The following LCORL variants were observed in gnomAD, a reference collection of about 807,000 sequenced individuals.
LCORL encodes the protein ligand-dependent nuclear receptor corepressor-like protein.
LCORL carries 41 observed loss-of-function variants against 141.8 expected under a neutral mutation model. The ratio of observed to expected loss-of-function variants is 0.29; its 90% confidence interval spans 0.23 to 0.38. The LOEUF (loss-of-function observed/expected upper bound fraction) is 0.38. Among genes scored for constraint, LCORL ranks in the 10% least tolerant of loss-of-function variants. The pLI is 1.00. For synonymous variants in LCORL, 618 were observed against 694.1 expected (o/e 0.89, Z 1.72); for missense variants, 1,759 against 2,035.0 (o/e 0.86, Z 2.61).
At chr4:17,876,338 TAGAGTA>T (rs1726920394) in exon 7 of LCORL, 2 of 1,230,900 alleles carry the variant, frequency 1.6e-6, no homozygotes, top group African/African-American at 3.1e-5. Context: ...TCATTCTATT[TAGAGTA>T]AGAGTCATAT....
chr4:17,843,540 G>T, exon 8 of LCORL: 1 of 1,197,252 alleles, frequency 8.4e-7, no homozygotes, highest in Non-Finnish European at 1.2e-6. Context: ...AAGATTTTCT[G>T]CTGTGCGCTT....
intron 4 of LCORL, chr4:17,912,948 G>A: frequency 2.2e-6 from 1 of 464,446 alleles, no homozygotes; most frequent in Non-Finnish European, 4.2e-6. Flanking sequence ...TGGTGCCCGA[G>A]ACCAGTGACA....
At chr4:17,861,629 T>C (rs1027072256) in intron 7 of LCORL, among the ~76,000 whole-genome samples, 1 of 152,200 alleles carries the variant, frequency 6.6e-6, no homozygotes, top group African/African-American at 2.4e-5. Flanking sequence ...CTTGAATTTC[T>C]CCTCAGAAAA....
At chr4:17,993,074 T>G (rs1216452523) in intron 1 of LCORL, among the ~76,000 whole-genome samples, 1 of 152,198 alleles carries the variant, frequency 6.6e-6, no homozygotes, top group Admixed American at 6.5e-5. Context: ...GAACAGCATG[T>G]ATAAAGACAC....
chr4:17,928,430 A>G (rs1735501860), intron 4 of LCORL, among the ~76,000 whole-genome samples: 1 of 152,184 alleles, frequency 6.6e-6, no homozygotes, highest in Admixed American at 6.5e-5. Context: ...AAACAAAACA[A>G]TCAATTCATA....
At chr4:17,939,404 G>C (rs73098848) in intron 4 of LCORL, among the ~76,000 whole-genome samples, 36,147 of 151,960 alleles carry the variant, frequency 0.24, 5,486 homozygotes, top group African/African-American at 0.43. Flanking sequence ...ATATAAATAG[G>C]TTTTATGTTT....
chr4:17,881,393 C>A, intron 6 of LCORL: 1 of 971,712 alleles, frequency 1.0e-6, no homozygotes. Context: ...TTTGTATAAT[C>A]AAATGTTAAC....
chr4:17,898,492 A>T (rs1730329931), intron 5 of LCORL, among the ~76,000 whole-genome samples: 1 of 151,996 alleles, frequency 6.6e-6, no homozygotes, highest in Admixed American at 6.6e-5. Flanking sequence ...CATTTACTTC[A>T]TCCCCTTCTT....
exon 8 of LCORL, chr4:17,843,128 T>C (rs1722582469): frequency 1.4e-5 from 8 of 583,330 alleles, no homozygotes; most frequent in Non-Finnish European, 2.3e-5. Context: ...CTTTGCTAGA[T>C]AGCCAAGTCA....
chr4:17,933,648 T>G (rs1021291472), intron 4 of LCORL, among the ~76,000 whole-genome samples: 3 of 152,094 alleles, frequency 2.0e-5, no homozygotes, highest in Non-Finnish European at 2.9e-5. Flanking sequence ...GGTGTTATGA[T>G]GTACTATTCT....
At chr4:17,969,705 G>C (rs1715575588) in intron 2 of LCORL, among the ~76,000 whole-genome samples, 1 of 152,090 alleles carries the variant, frequency 6.6e-6, no homozygotes, top group African/African-American at 2.4e-5. Flanking sequence ...TGATTCTTTA[G>C]ATTTTTCCTT....
At chr4:17,868,765 C>T (rs991298547) in intron 7 of LCORL, among the ~76,000 whole-genome samples, 7 of 152,220 alleles carry the variant, frequency 4.6e-5, no homozygotes, top group African/African-American at 1.7e-4. Context: ...ATTCTTGGCT[C>T]GATCTCTTTG....
At chr4:17,939,810 A>T (rs1737533744) in intron 4 of LCORL, among the ~76,000 whole-genome samples, 1 of 151,632 alleles carries the variant, frequency 6.6e-6, no homozygotes, top group Non-Finnish European at 1.5e-5. Flanking sequence ...ACAGAGGTGA[A>T]GTGTTGAAGC....
Position 18,021,799 on chromosome 4 carries a change from A to G in LCORL, c.-48T>C. The G allele has an allele frequency of 7.0e-7, 1 of 1,438,796 alleles. No individual in the cohort carries two copies. 89.1% of individuals were successfully genotyped at this position (1,438,796 alleles called of 1,614,324 possible). A position where few individuals can be genotyped will look rare whatever the true frequency, so the allele number is the denominator to read the frequency against. On this transcript the variant is annotated 5_prime_UTR_variant, in exon 1 of 8. Transcript: ENST00000635767. The surrounding 1 kb of genome is among the most constrained non-coding windows in gnomAD (Gnocchi z 5.5). ...TCATTTACATACGAGCAGCGCAGGC[A>G]CGAGGCAGGGGCGCGAGCCCTCGGC...
At chr4:17,946,449 T>G (rs182681014) in intron 4 of LCORL, among the ~76,000 whole-genome samples, 1 of 152,178 alleles carries the variant, frequency 6.6e-6, no homozygotes, top group Admixed American at 6.5e-5. Context: ...TTTAGTAAAT[T>G]GAGAAGCAAG....
At chr4:17,998,986 ATATATATATAT>A (rs1721420450) in intron 1 of LCORL, among the ~76,000 whole-genome samples, 4 of 49,766 alleles carry the variant, frequency 8.0e-5, no homozygotes, top group African/African-American at 2.8e-4. Context: ...AAAAAAAAAA[ATATATATATAT>A]ATATATACAC....
chr4:17,864,106 A>G (rs1406221553), intron 7 of LCORL, among the ~76,000 whole-genome samples: 1 of 152,144 alleles, frequency 6.6e-6, no homozygotes, highest in Non-Finnish European at 1.5e-5. Flanking sequence ...GCCATGCTGC[A>G]TATGTACCCC....
intron 4 of LCORL, among the ~76,000 whole-genome samples, chr4:17,954,117 T>C (rs1387808041): frequency 6.6e-6 from 1 of 152,020 alleles, no homozygotes; most frequent in East Asian, 1.9e-4. Context: ...GAGCCGAGAT[T>C]GCGCTACTGC....
At chr4:17,847,956 A>G (rs574670998) in intron 7 of LCORL, among the ~76,000 whole-genome samples, 8 of 152,356 alleles carry the variant, frequency 5.3e-5, no homozygotes, top group African/African-American at 1.9e-4. Context: ...TAGAACAAAT[A>G]ATCATGGTCA....
Sources: allele counts gnomAD v4.1 joint callset (sites outside exome capture counted in the v4.1 genomes callset), GRCh38; gene constraint gnomAD v4.1.1; non-coding constraint Gnocchi (gnomAD v3.1); transcripts MANE v1.5; gene names NCBI Gene and HGNC (gene_info 2026-07-23, HGNC 2026-07-21).